Variants in EEF1AKMT2 observed in about 807,000 individuals in gnomAD.
EEF1AKMT2 encodes EEF1A lysine methyltransferase 2.
A neutral mutation model predicts 35.8 loss-of-function variants in EEF1AKMT2; 32 were observed. The observed-to-expected ratio is 0.89, with a 90% CI of 0.67 to 1.20. The LOEUF is 1.20. Ranked by LOEUF, EEF1AKMT2 falls within the 50% of genes most tolerant of loss-of-function variation. EEF1AKMT2 has a pLI of 0.00. For synonymous variants in EEF1AKMT2, 121 were observed against 133.7 expected (o/e 0.91, Z 0.65); for missense variants, 330 against 347.5 (o/e 0.95, Z 0.40).
chr10:124,778,087 A>G (rs1241454635), intron 3 of EEF1AKMT2, among the ~76,000 whole-genome samples: 1 of 152,008 alleles, frequency 6.6e-6, no homozygotes, highest in Admixed American at 6.6e-5. Flanking sequence ...GCTACTTGGG[A>G]GGCTGAGGCA....
At chr10:124,762,210 A>G (rs1028389462) in intron 6 of EEF1AKMT2, 90 bp downstream of exon 6, 2 of 923,940 alleles carry the variant, frequency 2.2e-6, no homozygotes, top group Non-Finnish European at 2.7e-6. Context: ...AAAGATCCAA[A>G]TAAGGTAATG....
rs144443222 is a variant in EEF1AKMT2 at position 124,791,812 on chromosome 10, C to T, written c.22G>A (p.Gly8Ser). The change falls in exon 1 of 7, where the codon GGC becomes AGC. Residue 8 changes from glycine to serine, a missense_variant. Transcript: ENST00000368836. ...CGCGCCGCCACCGCAGCGCCACCGCCGCCGTCAGCGCCCGAGCTCATTTCG... is the reference window on the plus strand; with the variant it reads ...CGCGCCGCCACCGCAGCGCCACCGCTGCCGTCAGCGCCCGAGCTCATTTCG... Reference protein sequence around the residue: MSSGADGGGGAAVAARSD... With the variant: MSSGADGSGGAAVAARSD... 0.17 allele frequency: 267,910 copies of T among 1,583,642 alleles called. 25,460 individuals are homozygous for T. The highest frequency in any genetic ancestry group is 0.19 in the Non-Finnish European group (225,718 of 1,170,402).
rs183597719 is a variant in EEF1AKMT2, at chr10:124,766,536, C to T, written c.400-928G>A. Among the ~76,000 whole-genome samples the T allele has an allele frequency of 1.4e-4, 22 of 152,244 alleles. No homozygotes were observed. In the East Asian group the frequency reaches 2.1e-3, roughly 15 times the overall value. ...TATTCACAATTTACCAATGAAAATT[C>T]TGAAAACTCATTTTGAAAAAAATAA... On this transcript the variant is annotated intron_variant, in intron 4 of 6. Transcript: ENST00000368836.
At chr10:124,771,275 A>G (rs1554917504) in intron 4 of EEF1AKMT2, among the ~76,000 whole-genome samples, 1 of 151,626 alleles carries the variant, frequency 6.6e-6, no homozygotes, top group Non-Finnish European at 1.5e-5. Context: ...AATTCTTTGT[A>G]TTTTTAGTAG....
At chr10:124,781,009 G>A (rs541555962) in intron 3 of EEF1AKMT2, among the ~76,000 whole-genome samples, 41 of 151,674 alleles carry the variant, frequency 2.7e-4, no homozygotes, top group South Asian at 2.1e-4. Context: ...GCAGTGGCGC[G>A]ATCTTGGCTC....
At chr10:124,772,907 A>C (rs1157771270) in intron 4 of EEF1AKMT2, among the ~76,000 whole-genome samples, 7 of 152,150 alleles carry the variant, frequency 4.6e-5, no homozygotes, top group African/African-American at 1.4e-4. Context: ...TGGAGCACTA[A>C]AACTTTCTCC....
At chr10:124,767,230 T>C (rs1950386613) in intron 4 of EEF1AKMT2, among the ~76,000 whole-genome samples, 2 of 139,736 alleles carry the variant, frequency 1.4e-5, no homozygotes, top group Admixed American at 7.2e-5. Flanking sequence ...ATACCTTATA[T>C]TGGCCGGGCG....
chr10:124,769,628 T>C (rs1029323505), intron 4 of EEF1AKMT2, among the ~76,000 whole-genome samples: 5 of 152,124 alleles, frequency 3.3e-5, no homozygotes, highest in Admixed American at 3.3e-4. Context: ...CTATTAAGTG[T>C]GCAATAGCAT....
At chr10:124,763,643 T>C (rs1306668719) in intron 5 of EEF1AKMT2, among the ~76,000 whole-genome samples, 1 of 152,024 alleles carries the variant, frequency 6.6e-6, no homozygotes, top group African/African-American at 2.4e-5. Flanking sequence ...GTTTACTTAA[T>C]AGTTTTCAGA....
At chr10:124,774,650 T>C in intron 4 of EEF1AKMT2, 25 bp downstream of exon 4, 2 of 1,183,170 alleles carry the variant, frequency 1.7e-6, no homozygotes, top group Non-Finnish European at 2.2e-6. Flanking sequence ...ATTGTAAATA[T>C]TATAGTAATA....
At chr10:124,789,339 G>A (rs1021432751) in intron 2 of EEF1AKMT2, among the ~76,000 whole-genome samples, 182 bp from the exon 3 acceptor site, 3 of 152,198 alleles carry the variant, frequency 2.0e-5, no homozygotes, top group African/African-American at 7.2e-5. Context: ...CAACAGAATA[G>A]ACAAGGTCAG....
In EEF1AKMT2 at chr10:124,762,459, C is replaced by T; in HGVS notation, c.716G>A (p.Gly239Asp). Residue 239 changes from glycine to aspartate, a missense_variant, in exon 6 of 7, where the codon GGC becomes GAC. Physicochemically the swap from Gly to Asp is moderately conservative, Grantham distance 94 (BLOSUM62 -1). Transcript: ENST00000368836. Reference sequence around the variant, plus strand: ...AATTATCCAGGCATGATGATGTGTGCCTGTAGTTCCACCTACTCGGGAGGC... The same window carrying T: ...AATTATCCAGGCATGATGATGTGTGTCTGTAGTTCCACCTACTCGGGAGGC... ...TSASRVGGTT[G>D]THHHAWIIFV... The T allele has an allele frequency of 7.7e-7, 1 of 1,300,310 alleles. No homozygotes were observed. The highest frequency in any genetic ancestry group is 1.0e-6 in the Non-Finnish European group (1 of 985,778). The allele number at this position is 1,300,310 out of a possible 1,614,324, so 80.5% of individuals were successfully genotyped here. A position where few individuals can be genotyped will look rare whatever the true frequency, so the allele number is the denominator to read the frequency against.
intron 4 of EEF1AKMT2, among the ~76,000 whole-genome samples, chr10:124,768,197 G>A (rs1325780404): frequency 1.3e-5 from 2 of 152,174 alleles, no homozygotes; most frequent in East Asian, 1.9e-4. Context: ...AAACGAGGAA[G>A]AAGGTAAGAA....
intron 3 of EEF1AKMT2, among the ~76,000 whole-genome samples, chr10:124,775,509 A>C (rs1296903904): frequency 6.6e-6 from 1 of 151,906 alleles, no homozygotes; most frequent in Non-Finnish European, 1.5e-5. Flanking sequence ...GACCAATGAG[A>C]CTAAAAATAA....
At chr10:124,771,648 T>C (rs1354487060) in intron 4 of EEF1AKMT2, among the ~76,000 whole-genome samples, 1 of 151,782 alleles carries the variant, frequency 6.6e-6, no homozygotes, top group Non-Finnish European at 1.5e-5. Context: ...GGCAGGCGGA[T>C]CACCAGGTCA....
At chr10:124,782,957 C>T (rs1446965990) in intron 3 of EEF1AKMT2, 1 of 427,546 alleles carries the variant, frequency 2.3e-6, no homozygotes, top group Admixed American at 2.8e-5. Context: ...AAATAACTAC[C>T]AACTATATGC....
chr10:124,768,179 T>C (rs996854535), intron 4 of EEF1AKMT2, among the ~76,000 whole-genome samples: 4 of 152,136 alleles, frequency 2.6e-5, no homozygotes, highest in East Asian at 3.9e-4. Flanking sequence ...TGACCGAGTA[T>C]TGATGATAAA....
chr10:124,776,844 G>A (rs1950491649), intron 3 of EEF1AKMT2, among the ~76,000 whole-genome samples: 1 of 150,910 alleles, frequency 6.6e-6, no homozygotes, highest in South Asian at 2.1e-4. Context: ...CAGTAATTAG[G>A]AAGTTCAAGG....
rs1950318821 is a variant in EEF1AKMT2, at chr10:124,760,212, T to G, written c.*291A>C. ...TTCAAATACAAAAGAAAATTAAAAT[T>G]ATTCTTGATTGATCTCTAAAACCCA... is the stretch of plus-strand genomic sequence containing the variant. On this transcript the variant is annotated 3_prime_UTR_variant, in exon 7 of 7. Coordinates refer to ENST00000368836, the MANE Select transcript of EEF1AKMT2 (RefSeq NM_212554.4). 2 of 411,946 alleles carry G rather than the reference T, an allele frequency of 4.9e-6. No homozygotes were observed. The highest frequency in any genetic ancestry group is 8.6e-6 in the Non-Finnish European group (2 of 232,876). The allele number at this position is 411,946 out of a possible 1,614,324, so 25.5% of individuals were successfully genotyped here. A position where few individuals can be genotyped will look rare whatever the true frequency, so the allele number is the denominator to read the frequency against.
Sources: gnomAD v4.1 joint callset for allele counts (sites outside exome capture counted in the v4.1 genomes callset) on GRCh38, gnomAD v4.1.1 for gene constraint, MANE v1.5 for transcripts, NCBI Gene and HGNC (gene_info 2026-07-23, HGNC 2026-07-21) for gene names.